CCDC150: variants seen among roughly 807,000 people sequenced by gnomAD.
CCDC150 encodes the protein coiled-coil domain-containing protein 150.
A neutral mutation model predicts 156.5 loss-of-function variants in CCDC150; 151 were observed. The ratio of observed to expected loss-of-function variants is 0.97; its 90% confidence interval spans 0.85 to 1.10. The LOEUF is 1.10. Among genes scored for constraint, CCDC150 ranks in the 50% least tolerant of loss-of-function variants. CCDC150 has a pLI of 0.00. For missense variants in CCDC150, 1,312 were observed against 1,268.1 expected (o/e 1.03, Z -0.53); for synonymous variants, 452 against 429.4 (o/e 1.05, Z -0.65).
In CCDC150 at chr2:196,646,622, T is replaced by C. The variant is rs1692556902; in HGVS notation, c.176+118T>C. 4.7e-5 allele frequency: 35 copies of C among 750,186 alleles called. No individual in the cohort carries two copies. In the South Asian group the frequency reaches 6.2e-4, roughly 13 times the overall value. 46.5% of individuals were successfully genotyped at this position (750,186 alleles called of 1,614,324 possible). A position where few individuals can be genotyped will look rare whatever the true frequency, so the allele number is the denominator to read the frequency against. ...CAAAAGAACTGAGAAATAATTTTCATTTGAGCATCACTTAGAAAACATTTG... is the reference window on the plus strand; with the variant it reads ...CAAAAGAACTGAGAAATAATTTTCACTTGAGCATCACTTAGAAAACATTTG... On this transcript the variant is annotated intron_variant, in intron 2 of 27. Transcript: ENST00000389175.
At chr2:196,721,353 C>CATATATATATATATGTGTATATAT (rs1307430176) in intron 20 of CCDC150, among the ~76,000 whole-genome samples, 169 bp from the exon 21 acceptor site, 1 of 133,112 alleles carries the variant, frequency 7.5e-6, no homozygotes. Flanking sequence ...TATGTGTGTG[C>CATATATATATATATGTGTATATAT]ATATATATAT....
In CCDC150 at chr2:196,726,112, GAA is replaced by G. The variant is rs753635576; in HGVS notation, c.2556+16_2556+17del. On this transcript the variant is annotated intron_variant, in intron 22 of 27. Coordinates refer to ENST00000389175, the MANE Select transcript of CCDC150 (RefSeq NM_001080539.2). ...GGAAGTGGCTGAGGTATAGTCATGA[GAA>G]AAGTTTCTCTTTTGGTGAATGCCTC... The G allele has an allele frequency of 6.2e-7, 1 of 1,611,836 alleles. No individual in the cohort carries two copies. Among genetic ancestry groups the G allele is most frequent in the East Asian group, 2.2e-5 (1 of 44,828 alleles).
intron 2 of CCDC150, among the ~76,000 whole-genome samples, chr2:196,648,911 G>A (rs1031203426): frequency 6.6e-6 from 1 of 152,128 alleles, no homozygotes; most frequent in Non-Finnish European, 1.5e-5. Context: ...TCCCCATTGT[G>A]TATTCTTGGC....
Position 196,656,825 on chromosome 2 carries a change from T to C in CCDC150, c.369T>C (p.Thr123=), listed in dbSNP as rs200786144. Residue 123 remains threonine (T), a synonymous_variant, in exon 3 of 28, where the codon ACT becomes ACC. Coordinates refer to ENST00000389175, the MANE Select transcript of CCDC150 (RefSeq NM_001080539.2). ...SLKMNIFRLQ[T]EKDLNPQKTA... ...AGATGAACATCTTTCGGCTGCAAACTGAAAAGGATTTGAATCCTCAGAAAA... is the reference window on the plus strand; with the variant it reads ...AGATGAACATCTTTCGGCTGCAAACCGAAAAGGATTTGAATCCTCAGAAAA... The C allele has an allele frequency of 2.0e-5, 33 of 1,613,900 alleles. No homozygotes were observed. In the African/African-American group the frequency reaches 4.0e-4, roughly 20 times the overall value.
At chr2:196,690,704 C>T (rs953300671) in intron 13 of CCDC150, among the ~76,000 whole-genome samples, 4 of 151,984 alleles carry the variant, frequency 2.6e-5, no homozygotes, top group African/African-American at 9.7e-5. Flanking sequence ...ATTTCTTTCT[C>T]TTTCCTGATT....
At chr2:196,669,644 T>C (rs1367835642) in intron 7 of CCDC150, among the ~76,000 whole-genome samples, 189 bp from the exon 8 acceptor site, 1 of 152,164 alleles carries the variant, frequency 6.6e-6, no homozygotes, top group East Asian at 1.9e-4. Flanking sequence ...TCATTTACCA[T>C]TGCAAATGAC....
At position 196,695,069 on chromosome 2, in the gene CCDC150, T is replaced by C. The variant is rs1695736793; in HGVS notation, c.1533T>C (p.His511=). 6.2e-7 allele frequency: 1 copy of C among 1,606,368 alleles called. No individual in the cohort carries two copies. The highest frequency in any genetic ancestry group is 8.5e-7 in the Non-Finnish European group (1 of 1,175,332). The change falls in exon 14 of 28, where the codon CAT becomes CAC. Residue 511 remains histidine, a synonymous_variant. Transcript: ENST00000389175. ...AGGTAGACATAAATACATTAACTCATAACCTGCAGACTCTTGAAGAAGAGA... is the reference window on the plus strand; with the variant it reads ...AGGTAGACATAAATACATTAACTCACAACCTGCAGACTCTTGAAGAAGAGA... The part of the protein sequence containing the change: ...KNKVDINTLT[H]NLQTLEEENK...
At chr2:196,673,990 A>G (rs1418338387) in intron 9 of CCDC150, among the ~76,000 whole-genome samples, 1 of 152,160 alleles carries the variant, frequency 6.6e-6, no homozygotes, top group Non-Finnish European at 1.5e-5. Context: ...AGAACAGAAG[A>G]TCAGTAAAAT....
chr2:196,681,604 T>C (rs1052297674), intron 13 of CCDC150, among the ~76,000 whole-genome samples: 1 of 152,180 alleles, frequency 6.6e-6, no homozygotes, highest in African/African-American at 2.4e-5. Context: ...GTACAAAAGT[T>C]CCAGTTTCTC....
chr2:196,729,426 G>T, intron 23 of CCDC150, 39 bp downstream of exon 23: 1 of 1,585,746 alleles, frequency 6.3e-7, no homozygotes, highest in Non-Finnish European at 8.7e-7. Context: ...TGGATACCCT[G>T]TGAGGATGTA....
intron 13 of CCDC150, among the ~76,000 whole-genome samples, chr2:196,685,007 CT>C (rs1695042788): frequency 6.6e-6 from 1 of 151,914 alleles, no homozygotes; most frequent in Non-Finnish European, 1.5e-5. Context: ...TATCTCTGTG[CT>C]TTGTAATTGC....
Position 196,729,306 on chromosome 2 carries a change from G to A in CCDC150, c.2670G>A (p.Glu890=). ...AAAAAATACTAGAAAGTAACAAGGA[G>A]AAAATAAAGAATCAAAAGACCCAAA... ...ELEKILESNK[E]KIKNQKTQIK... is the part of the protein sequence containing the mutation. The change falls in exon 23 of 28, where the codon GAG becomes GAA. Residue 890 remains glutamate, a synonymous_variant. Coordinates refer to ENST00000389175, the MANE Select transcript of CCDC150 (RefSeq NM_001080539.2). The A allele has an allele frequency of 6.2e-7, 1 of 1,613,728 alleles. No homozygotes were observed. Among genetic ancestry groups the A allele is most frequent in the Admixed American group, 1.7e-5 (1 of 59,988 alleles).
chr2:196,709,374 C>G (rs781473307), intron 15 of CCDC150, among the ~76,000 whole-genome samples: 3 of 152,142 alleles, frequency 2.0e-5, no homozygotes, highest in Non-Finnish European at 2.9e-5. Flanking sequence ...ATGGTCTTCT[C>G]TACACTGTTT....
intron 1 of CCDC150, among the ~76,000 whole-genome samples, chr2:196,643,198 G>A (rs1692340484): frequency 6.6e-6 from 1 of 152,168 alleles, no homozygotes; most frequent in African/African-American, 2.4e-5. Context: ...TTTGTGCCCT[G>A]CCAACCATCA....
chr2:196,676,755 A>C lies in CCDC150; in HGVS notation c.1440+24A>C, dbSNP rs1245003313. The C allele has an allele frequency of 3.8e-6, 6 of 1,572,802 alleles. No individual in the cohort carries two copies. The Admixed American group carries it at 6.8e-5, about 18-fold the overall frequency. On this transcript the variant is annotated intron_variant, in intron 12 of 27. Coordinates refer to ENST00000389175, the MANE Select transcript of CCDC150 (RefSeq NM_001080539.2). Reference sequence around the variant, plus strand: ...AGGTAGGTAGAAGCAAATTTACATTATCTTCTCATTGTGGTGTGATGATGT... The same window carrying C: ...AGGTAGGTAGAAGCAAATTTACATTCTCTTCTCATTGTGGTGTGATGATGT...
intron 26 of CCDC150, among the ~76,000 whole-genome samples, chr2:196,731,449 G>A (rs1698518633): frequency 6.7e-6 from 1 of 149,778 alleles, no homozygotes; most frequent in Non-Finnish European, 1.5e-5. Context: ...TGGAGTGCAT[G>A]GCATAATCTT....
At chr2:196,666,496 CT>C (rs1693847130) in intron 6 of CCDC150, among the ~76,000 whole-genome samples, 1 of 152,102 alleles carries the variant, frequency 6.6e-6, no homozygotes, top group African/African-American at 2.4e-5. Flanking sequence ...TCAGTAGCCA[CT>C]TGTGGCTAGT....
At chr2:196,670,011 G>A (rs1694106925) in intron 8 of CCDC150, 135 bp downstream of exon 8, 1 of 569,560 alleles carries the variant, frequency 1.8e-6, no homozygotes, top group African/African-American at 1.9e-5. Context: ...TAAATGAGTA[G>A]TATATTTAGG....
chr2:196,654,180 A>G (rs752287034), intron 2 of CCDC150, among the ~76,000 whole-genome samples: 28 of 152,320 alleles, frequency 1.8e-4, no homozygotes, highest in Non-Finnish European at 3.2e-4. Context: ...CTTGGAGGGA[A>G]CAAACATCCA....
Sources: allele counts gnomAD v4.1 joint callset (sites outside exome capture counted in the v4.1 genomes callset), GRCh38; gene constraint gnomAD v4.1.1; transcripts MANE v1.5; gene names NCBI Gene and HGNC (gene_info 2026-07-23, HGNC 2026-07-21).